LRRC4C: variants seen among roughly 807,000 people sequenced by gnomAD.
LRRC4C encodes leucine rich repeat containing 4C.
LRRC4C carries 5 observed loss-of-function variants against 33.6 expected under a neutral mutation model. The ratio of observed to expected loss-of-function variants is 0.15; its 90% CI spans 0.08 to 0.31. The LOEUF is 0.31. Among genes scored for constraint, LRRC4C ranks in the 10% least tolerant of loss-of-function variants. The pLI, the probability that LRRC4C is intolerant of heterozygous loss-of-function variation, is 1.00. For synonymous variants in LRRC4C, 329 were observed against 302.0 expected, an observed-to-expected ratio of 1.09 and a Z score of -0.93; for missense variants, 560 against 796.7, an observed-to-expected ratio of 0.70 and a Z score of 3.58.
In LRRC4C at chr11:40,580,381, G is replaced by A. The variant is rs573307027; in HGVS notation, c.-270+67761C>T. On this transcript the variant is annotated intron_variant, in intron 3 of 6. Coordinates refer to ENST00000528697, the MANE Select transcript of LRRC4C (RefSeq NM_001258419.2). ...ATTCACTATTATGATAACAGCATGC[G>A]GGAAACTGTTCCCGTGATCAAATCA... Among the ~76,000 whole-genome samples, 7 of 152,086 alleles carry A rather than the reference G, an allele frequency of 4.6e-5. No homozygotes were observed. The South Asian group carries it at 1.0e-3, about 23-fold the overall frequency.
intron 2 of LRRC4C, among the ~76,000 whole-genome samples, chr11:40,736,989 C>G (rs1947900530): frequency 6.6e-6 from 1 of 151,814 alleles, no homozygotes; most frequent in African/African-American, 2.4e-5. Context: ...TGTACAGAAG[C>G]TCTTTAGTTT....
intron 3 of LRRC4C, among the ~76,000 whole-genome samples, chr11:40,522,616 T>C (rs1022436507): frequency 2.0e-5 from 3 of 152,140 alleles, no homozygotes; most frequent in Non-Finnish European, 4.4e-5. Flanking sequence ...AGAAGTAATA[T>C]TTAAATTTTA....
intron 1 of LRRC4C, among the ~76,000 whole-genome samples, chr11:41,415,265 C>T (rs1338895507): frequency 6.6e-6 from 1 of 152,066 alleles, no homozygotes; most frequent in East Asian, 1.9e-4. Flanking sequence ...CCTGTAAGTG[C>T]CAGGTAGTTA....
At chr11:40,904,362 A>G (rs1010229167) in intron 2 of LRRC4C, among the ~76,000 whole-genome samples, 5 of 152,176 alleles carry the variant, frequency 3.3e-5, no homozygotes, top group Non-Finnish European at 4.4e-5. Flanking sequence ...AGGCTTCCTT[A>G]TACATAGCAA....
intron 3 of LRRC4C, among the ~76,000 whole-genome samples, chr11:40,632,848 AT>A (rs143386602): frequency 5.9e-5 from 9 of 152,310 alleles, no homozygotes; most frequent in African/African-American, 2.2e-4. Context: ...TACTTTAGCA[AT>A]AAAAACCTTC....
chr11:40,923,855 CT>C (rs914688002), intron 2 of LRRC4C, among the ~76,000 whole-genome samples: 3 of 152,020 alleles, frequency 2.0e-5, no homozygotes, highest in African/African-American at 7.2e-5. Context: ...GTTGTCACCT[CT>C]TTTAAGTTGG....
intron 4 of LRRC4C, among the ~76,000 whole-genome samples, chr11:40,274,424 TACACACACACACACACACAC>T (rs56027023): frequency 7.2e-5 from 10 of 138,970 alleles, no homozygotes; most frequent in Admixed American, 4.5e-4. Flanking sequence ...GACACACACA[TACACACACACACACACACAC>T]ACACACACAC....
chr11:40,394,538 T>C (rs944934087), intron 3 of LRRC4C, among the ~76,000 whole-genome samples: 2 of 152,132 alleles, frequency 1.3e-5, no homozygotes, highest in Non-Finnish European at 2.9e-5. Context: ...GACTTTGATA[T>C]ATTCAGATAA....
At chr11:40,472,954 G>T (rs1953017797) in intron 3 of LRRC4C, among the ~76,000 whole-genome samples, 1 of 152,166 alleles carries the variant, frequency 6.6e-6, no homozygotes, top group East Asian at 1.9e-4. Flanking sequence ...TGAAATTGAG[G>T]CAGTAATTAA....
intron 2 of LRRC4C, among the ~76,000 whole-genome samples, chr11:40,845,660 T>A (rs1032276534): frequency 6.6e-6 from 1 of 152,206 alleles, no homozygotes; most frequent in Non-Finnish European, 1.5e-5. Flanking sequence ...TGTGTCTTTA[T>A]AGTAGGATGA....
intron 2 of LRRC4C, among the ~76,000 whole-genome samples, chr11:40,674,520 T>C (rs1004290949): frequency 2.0e-5 from 3 of 152,200 alleles, no homozygotes; most frequent in African/African-American, 4.8e-5. Context: ...CTTAGGTGAA[T>C]AACAGTCCTG....
At chr11:41,028,117 T>TTAAATGTTA (rs1856497258) in intron 1 of LRRC4C, among the ~76,000 whole-genome samples, 2 of 151,738 alleles carry the variant, frequency 1.3e-5, no homozygotes, top group African/African-American at 4.8e-5. Flanking sequence ...TAACCAAATG[T>TTAAATGTTA]AATCCCCTCT....
chr11:41,411,075 T>C (rs1164253087), intron 1 of LRRC4C, among the ~76,000 whole-genome samples: 1 of 151,362 alleles, frequency 6.6e-6, no homozygotes, highest in Non-Finnish European at 1.5e-5. Context: ...GATCTTTATC[T>C]AGATGGTTTC....
At chr11:40,890,765 T>C (rs969317394) in intron 2 of LRRC4C, among the ~76,000 whole-genome samples, 11 of 152,134 alleles carry the variant, frequency 7.2e-5, no homozygotes, top group Non-Finnish European at 1.5e-4. Flanking sequence ...TGACATTAAG[T>C]ATGTCATAAC....
At chr11:41,179,101 G>A (rs1025853010) in intron 1 of LRRC4C, among the ~76,000 whole-genome samples, 2 of 151,948 alleles carry the variant, frequency 1.3e-5, no homozygotes, top group African/African-American at 4.8e-5. Context: ...TGAATTAATA[G>A]CTATGGGAAA....
intron 1 of LRRC4C, among the ~76,000 whole-genome samples, chr11:40,979,970 G>A (rs1470002048): frequency 6.6e-6 from 1 of 152,090 alleles, no homozygotes; most frequent in African/African-American, 2.4e-5. Context: ...CTTAGGGATG[G>A]AGAAATTTCT....
intron 2 of LRRC4C, among the ~76,000 whole-genome samples, chr11:40,714,742 G>T (rs979940467): frequency 2.0e-5 from 3 of 152,300 alleles, no homozygotes; most frequent in Middle Eastern, 3.4e-3. Flanking sequence ...ATCCACCTAT[G>T]AAGTAGAATA....
intron 1 of LRRC4C, among the ~76,000 whole-genome samples, chr11:41,166,866 C>A (rs1161789736): frequency 6.6e-6 from 1 of 152,110 alleles, no homozygotes; most frequent in African/African-American, 2.4e-5. Flanking sequence ...TTACAGACAC[C>A]ATGGCAATTC....
intron 1 of LRRC4C, among the ~76,000 whole-genome samples, chr11:41,126,502 A>T (rs2135804303): frequency 6.6e-6 from 1 of 152,016 alleles, no homozygotes; most frequent in Non-Finnish European, 1.5e-5. Flanking sequence ...AGAAAGTCAA[A>T]ATGTTTTGCA....
Sources: gnomAD v4.1 joint callset for allele counts (sites outside exome capture counted in the v4.1 genomes callset) on GRCh38, gnomAD v4.1.1 for gene constraint, MANE v1.5 for transcripts, NCBI Gene and HGNC (gene_info 2026-07-23, HGNC 2026-07-21) for gene names.